The following MMD2 variants were observed in gnomAD, a reference collection of about 807,000 sequenced individuals.
MMD2 encodes monocyte to macrophage differentiation factor 2.
In MMD2, 30 loss-of-function variants were observed where a neutral mutation model predicts 33.5. The observed-to-expected ratio is 0.90, with a 90% confidence interval of 0.67 to 1.22. The LOEUF is 1.22. Ranked by LOEUF, MMD2 falls within the 50% of genes most tolerant of loss-of-function variation. The pLI is 0.00. For synonymous variants in MMD2, 129 were observed against 123.0 expected (o/e 1.05, Z -0.32); for missense variants, 364 against 325.4 (o/e 1.12, Z -0.91).
intron 1 of MMD2, among the ~76,000 whole-genome samples, chr7:4,945,552 C>T (rs1031559374): frequency 6.6e-6 from 1 of 151,768 alleles, no homozygotes; most frequent in Non-Finnish European, 1.5e-5. Flanking sequence ...AGGCATGAGC[C>T]GCCTCACCCA....
At chr7:4,956,819 G>A (rs755411243) in intron 1 of MMD2, among the ~76,000 whole-genome samples, 9 of 152,074 alleles carry the variant, frequency 5.9e-5, no homozygotes, top group Non-Finnish European at 7.4e-5. Context: ...TGTCCACGTC[G>A]GCAGCCTTAA....
chr7:4,921,757 C>T (rs1785291435), intron 2 of MMD2, among the ~76,000 whole-genome samples: 1 of 152,126 alleles, frequency 6.6e-6, no homozygotes, highest in African/African-American at 2.4e-5. Flanking sequence ...CCGCTAGCCT[C>T]CCCGACACCC....
At chr7:4,924,353 G>A (rs540758965) in intron 2 of MMD2, among the ~76,000 whole-genome samples, 44 of 152,334 alleles carry the variant, frequency 2.9e-4, no homozygotes, top group Middle Eastern at 3.4e-3. Flanking sequence ...TAGCCCCCGG[G>A]GTCTAACAGG....
chr7:4,895,661 G>A, the MMD2 span, among the ~76,000 whole-genome samples: 18 of 151,992 alleles, frequency 1.2e-4, 1 homozygote, highest in Admixed American at 4.6e-4. Context: ...CTCAGCCTCC[G>A]GAGTAGCTGG....
intron 1 of MMD2, among the ~76,000 whole-genome samples, chr7:4,943,694 G>T (rs1785974990): frequency 6.6e-6 from 1 of 152,202 alleles, no homozygotes; most frequent in Non-Finnish European, 1.5e-5. Flanking sequence ...ACCTCCCTGA[G>T]CTTGTAGCCC....
At chr7:4,929,087 G>A (rs953821702) in intron 1 of MMD2, among the ~76,000 whole-genome samples, 1 of 152,182 alleles carries the variant, frequency 6.6e-6, no homozygotes, top group Non-Finnish European at 1.5e-5. Flanking sequence ...GCCAGGCACT[G>A]ACACTGTGAT....
intron 1 of MMD2, among the ~76,000 whole-genome samples, chr7:4,950,705 T>C (rs1344237144): frequency 4.3e-5 from 6 of 140,876 alleles, no homozygotes; most frequent in Non-Finnish European, 9.2e-5. Flanking sequence ...GCTAAATTTC[T>C]TTCCTTCTTT....
the MMD2 span, among the ~76,000 whole-genome samples, chr7:4,899,311 G>T: frequency 6.6e-6 from 1 of 152,114 alleles, no homozygotes; most frequent in Non-Finnish European, 1.5e-5. Context: ...GACAGGATAG[G>T]ATAGGATAGC....
chr7:4,958,339 C>G (rs902377040), intron 1 of MMD2, among the ~76,000 whole-genome samples: 2 of 152,162 alleles, frequency 1.3e-5, no homozygotes, highest in Non-Finnish European at 1.5e-5. Context: ...GCAACAGGAG[C>G]CTAACTTCTA....
chr7:4,927,804 T>A (rs1785472667), intron 1 of MMD2, among the ~76,000 whole-genome samples: 2 of 152,188 alleles, frequency 1.3e-5, no homozygotes, highest in Admixed American at 1.3e-4. Flanking sequence ...TGTTTAATCC[T>A]CACCAGAGCA....
Position 4,911,004 on chromosome 7 carries a change from A to G in MMD2, c.467+141T>C, listed in dbSNP as rs1480685537. On this transcript the variant is annotated intron_variant, in intron 5 of 6. Coordinates refer to ENST00000401401, the MANE Select transcript of MMD2 (RefSeq NM_198403.4). ...GGTCTGCAAGACCTGGTGGCCACCC[A>G]TGAGCCTGAATGACGTGACAGCCAG... is the stretch of plus-strand genomic sequence containing the variant. 14 of 692,842 alleles carry G rather than the reference A, an allele frequency of 2.0e-5. No individual in the cohort carries two copies. The East Asian group carries it at 4.0e-4, about 20-fold the overall frequency. The allele number at this position is 692,842 out of a possible 1,614,324, so 42.9% of individuals were successfully genotyped here. A position where few individuals can be genotyped will look rare whatever the true frequency, so the allele number is the denominator to read the frequency against.
chr7:4,896,525 A>T, the MMD2 span, among the ~76,000 whole-genome samples: 3 of 152,266 alleles, frequency 2.0e-5, no homozygotes, highest in East Asian at 5.8e-4. Context: ...CAACTTTCCC[A>T]GCTGGGTCCC....
intron 1 of MMD2, among the ~76,000 whole-genome samples, chr7:4,958,130 C>A (rs1284967644): frequency 6.6e-6 from 1 of 152,182 alleles, no homozygotes; most frequent in Non-Finnish European, 1.5e-5. Context: ...CAGCCTGGTG[C>A]CCCCTCCAAA....
At chr7:4,943,561 G>A (rs759207111) in intron 1 of MMD2, among the ~76,000 whole-genome samples, 25 of 152,142 alleles carry the variant, frequency 1.6e-4, no homozygotes, top group Non-Finnish European at 3.5e-4. Context: ...CAAAGGGCAG[G>A]GGGAGGGTTT....
the MMD2 span, among the ~76,000 whole-genome samples, chr7:4,898,420 G>A: frequency 1.3e-5 from 2 of 152,164 alleles, no homozygotes; most frequent in African/African-American, 2.4e-5. Context: ...GGATTTAGAC[G>A]CACTCATGGG....
At chr7:4,908,896 CA>C (rs765437583) in intron 6 of MMD2, among the ~76,000 whole-genome samples, 9,280 of 75,608 alleles carry the variant, frequency 0.12, 359 homozygotes, top group East Asian at 0.26. Context: ...GACTCCATCT[CA>C]AAAAAAAAAA....
the MMD2 span, among the ~76,000 whole-genome samples, chr7:4,893,847 C>T: frequency 1.3e-5 from 2 of 152,062 alleles, no homozygotes; most frequent in Non-Finnish European, 2.9e-5. Flanking sequence ...TGTCATGATG[C>T]CAGTGGGAGT....
rs2115112713 is a variant in MMD2, at chr7:4,925,479, T to G, written c.101A>C (p.Glu34Ala). 1 of 1,579,882 alleles carries G rather than the reference T, an allele frequency of 6.3e-7. No individual in the cohort carries two copies. Among genetic ancestry groups the G allele is most frequent in the Non-Finnish European group, 8.6e-7 (1 of 1,160,886 alleles). Residue 34 changes from glutamate (E) to alanine (A), a missense_variant, in exon 2 of 7, where the codon GAA (glutamate) becomes GCA (alanine). By Grantham distance (107) the Glu-to-Ala change is moderately radical (BLOSUM62 -1). Transcript: ENST00000401401. ...AHKRYQPTEY[E>A]HAANCATHAF... is the part of the protein sequence containing the mutation. ...ATGGGTGGCACAGTTGGCCGCATGT[T>G]CATACTCTGTGGGCTGGTACCTCTT...
chr7:4,897,512 C>A, the MMD2 span, among the ~76,000 whole-genome samples: 1 of 152,158 alleles, frequency 6.6e-6, no homozygotes, highest in African/African-American at 2.4e-5. Flanking sequence ...GACAATCATA[C>A]AGTTTCCGTT....
Sources: allele counts gnomAD v4.1 joint callset (sites outside exome capture counted in the v4.1 genomes callset), GRCh38; gene constraint gnomAD v4.1.1; transcripts MANE v1.5; gene names NCBI Gene and HGNC (gene_info 2026-07-23, HGNC 2026-07-21).